Variants in PPP3CA observed in about 807,000 individuals in gnomAD.
PPP3CA encodes the protein CAM-PRP catalytic subunit.
A neutral mutation model predicts 66.5 loss-of-function variants in PPP3CA; 14 were observed. The ratio of observed to expected loss-of-function variants is 0.21; its 90% CI spans 0.14 to 0.33. The LOEUF (loss-of-function observed/expected upper bound fraction) is 0.33, where lower values mean the gene tolerates loss of function less well. Among genes scored for constraint, PPP3CA ranks in the 10% least tolerant of loss-of-function variants. The pLI, the probability that PPP3CA is intolerant of heterozygous loss-of-function variation, is 1.00. For synonymous variants in PPP3CA, 232 were observed against 226.2 expected (o/e 1.03, Z -0.23); for missense variants, 317 against 639.5 (o/e 0.50, Z 5.44).
chr4:101,272,720 C>T (rs188687548), intron 1 of PPP3CA, among the ~76,000 whole-genome samples: 14 of 152,290 alleles, frequency 9.2e-5, no homozygotes, highest in African/African-American at 2.9e-4. Context: ...GTACTTGAAA[C>T]GGTGCCTGGC....
chr4:101,236,331 A>G (rs755846510), intron 1 of PPP3CA, among the ~76,000 whole-genome samples: 4 of 151,980 alleles, frequency 2.6e-5, no homozygotes, highest in Non-Finnish European at 5.9e-5. Flanking sequence ...GGCACAGAAA[A>G]CAGCAAATGC....
intron 1 of PPP3CA, among the ~76,000 whole-genome samples, chr4:101,315,820 T>C (rs1165643538): frequency 6.6e-6 from 1 of 152,168 alleles, no homozygotes; most frequent in Admixed American, 6.5e-5. Context: ...GTAGTTTTGG[T>C]TTCTGGTTGG....
intron 10 of PPP3CA, among the ~76,000 whole-genome samples, chr4:101,048,909 T>A (rs1727890821): frequency 6.6e-6 from 1 of 152,154 alleles, no homozygotes; most frequent in African/African-American, 2.4e-5. Flanking sequence ...AATGTAATTT[T>A]TTTTAAAAAA....
intron 1 of PPP3CA, among the ~76,000 whole-genome samples, chr4:101,322,654 T>C (rs1351863514): frequency 6.6e-6 from 1 of 151,888 alleles, no homozygotes; most frequent in East Asian, 1.9e-4. Flanking sequence ...AGGTGATCCG[T>C]CCGACCCAGC....
At chr4:101,038,027 T>G (rs1258141627) in intron 11 of PPP3CA, among the ~76,000 whole-genome samples, 3 of 152,224 alleles carry the variant, frequency 2.0e-5, no homozygotes, top group African/African-American at 7.2e-5. Flanking sequence ...AGATTCAATT[T>G]CCTCACAGCA....
chr4:101,206,149 A>G (rs1326997983), intron 1 of PPP3CA, among the ~76,000 whole-genome samples: 1 of 152,174 alleles, frequency 6.6e-6, no homozygotes, highest in African/African-American at 2.4e-5. Context: ...GCGGTTCACC[A>G]TTTCTAAGAA....
intron 1 of PPP3CA, among the ~76,000 whole-genome samples, chr4:101,221,456 C>T (rs1163937656): frequency 1.2e-5 from 1 of 81,152 alleles, no homozygotes; most frequent in African/African-American, 3.9e-5. Flanking sequence ...AAATAAAACG[C>T]ATATTTTGAG....
At chr4:101,257,465 A>T (rs1289791453) in intron 1 of PPP3CA, among the ~76,000 whole-genome samples, 1 of 151,858 alleles carries the variant, frequency 6.6e-6, no homozygotes, top group African/African-American at 2.4e-5. Flanking sequence ...GGCTGTGTTA[A>T]CCTCACCTAT....
intron 1 of PPP3CA, among the ~76,000 whole-genome samples, chr4:101,226,085 CA>C (rs1321949418): frequency 1.3e-5 from 2 of 151,628 alleles, no homozygotes; most frequent in African/African-American, 4.8e-5. Flanking sequence ...TTCTACATGA[CA>C]AAAACCTTAT....
Position 101,100,490 on chromosome 4 carries a change from G to A in PPP3CA, c.385-768C>T, listed in dbSNP as rs1422895495. On this transcript the variant is annotated intron_variant, in intron 3 of 13. Transcript: ENST00000394854. ...TTCTCAACTTAGTTTCTTGGGCATT[G>A]CAGTCTGTAAAAATGATGGTCAATT... Among the ~76,000 whole-genome samples the A allele has an allele frequency of 2.0e-5, 3 of 152,176 alleles. No individual in the cohort carries two copies. In the East Asian group the frequency reaches 5.8e-4, roughly 29 times the overall value.
intron 2 of PPP3CA, among the ~76,000 whole-genome samples, chr4:101,121,720 C>A (rs1293257082): frequency 6.6e-6 from 1 of 151,738 alleles, no homozygotes; most frequent in Non-Finnish European, 1.5e-5. Flanking sequence ...GGAAGATAAG[C>A]CTATATGAAA....
At chr4:101,212,304 C>A (rs553545587) in intron 1 of PPP3CA, among the ~76,000 whole-genome samples, 1 of 152,126 alleles carries the variant, frequency 6.6e-6, no homozygotes, top group Non-Finnish European at 1.5e-5. Context: ...AGACCATGTC[C>A]TTTGCAGGAA....
intron 6 of PPP3CA, among the ~76,000 whole-genome samples, chr4:101,091,785 TAACTTCAGGG>T (rs1729952142): frequency 6.7e-6 from 1 of 150,110 alleles, no homozygotes; most frequent in African/African-American, 2.4e-5. Context: ...AATTGAGCAT[TAACTTCAGGG>T]AACATCAGGT....
chr4:101,227,786 T>C (rs913642900), intron 1 of PPP3CA, among the ~76,000 whole-genome samples: 2 of 151,688 alleles, frequency 1.3e-5, no homozygotes, highest in Non-Finnish European at 3.0e-5. Context: ...ACTCAATGTT[T>C]AGCTCCCACT....
intron 1 of PPP3CA, among the ~76,000 whole-genome samples, chr4:101,229,308 C>T (rs145897157): frequency 1.5e-3 from 225 of 151,670 alleles, no homozygotes; most frequent in African/African-American, 5.3e-3. Flanking sequence ...TTTCAACTGT[C>T]CAGCCCCAAA....
chr4:101,337,777 C>T (rs1428776228), intron 1 of PPP3CA, among the ~76,000 whole-genome samples: 1 of 152,138 alleles, frequency 6.6e-6, no homozygotes, highest in Non-Finnish European at 1.5e-5. Flanking sequence ...GCAGCTTTAG[C>T]GGTCTTCTGT....
At chr4:101,091,209 A>G (rs548052547) in intron 6 of PPP3CA, among the ~76,000 whole-genome samples, 1 of 152,182 alleles carries the variant, frequency 6.6e-6, no homozygotes. Context: ...TCAAGCAGGT[A>G]ATTTAAACAT....
At chr4:101,113,558 T>A (rs894888553) in intron 2 of PPP3CA, among the ~76,000 whole-genome samples, 1 of 152,130 alleles carries the variant, frequency 6.6e-6, no homozygotes, top group Non-Finnish European at 1.5e-5. Context: ...TAACACCACA[T>A]GTCTTTGGGT....
chr4:101,134,921 G>C (rs1228219363), intron 2 of PPP3CA, among the ~76,000 whole-genome samples: 1 of 152,134 alleles, frequency 6.6e-6, no homozygotes, highest in East Asian at 1.9e-4. Flanking sequence ...CCTTTGCTGG[G>C]ACATGGATGA....
Sources: gnomAD v4.1 joint callset for allele counts (sites outside exome capture counted in the v4.1 genomes callset) on GRCh38, gnomAD v4.1.1 for gene constraint, MANE v1.5 for transcripts, NCBI Gene and HGNC (gene_info 2026-07-23, HGNC 2026-07-21) for gene names.